The following SLC38A5 variants were observed in gnomAD, a reference collection of about 807,000 sequenced individuals.
SLC38A5 encodes solute carrier family 38 member 5, also known as sodium-coupled neutral amino acid transporter 5.
SLC38A5 carries 9 observed loss-of-function variants against 34.6 expected under a neutral mutation model. The observed-to-expected ratio is 0.26, with a 90% CI of 0.16 to 0.45. SLC38A5 has a LOEUF of 0.45. SLC38A5 is among the 20% of genes least tolerant of loss of function. The probability of loss-of-function intolerance (pLI) is 1.00; values close to 1 mark genes in which losing one functional copy is unlikely to be tolerated. For synonymous variants in SLC38A5, 157 were observed against 155.6 expected (o/e 1.01, Z -0.07); for missense variants, 253 against 394.7 (o/e 0.64, Z 3.04).
In SLC38A5 at chrX:48,458,810, C is replaced by T. The variant is rs1812439569; in HGVS notation, c.*123G>A. 1.1e-5 allele frequency: 12 copies of T among 1,092,575 alleles called. No homozygotes were observed. In the South Asian group the frequency reaches 1.2e-4, roughly 11 times the overall value. The allele number at this position is 1,092,575 out of a possible 1,213,427, so 90.0% of individuals were successfully genotyped here. The stretch of plus-strand genomic sequence containing the variant: ...CCAGTCTGCAGCCTCTGCTGTCCCC[C>T]GCCTCTGACAACCACGTTCATGGGA... On this transcript the variant is annotated 3_prime_UTR_variant, in exon 17 of 17. Coordinates refer to ENST00000620913, the MANE Select transcript of SLC38A5 (RefSeq NM_033518.4).
intron 6 of SLC38A5, 59 bp downstream of exon 6, chrX:48,466,740 C>T (rs2061479756): frequency 8.9e-7 from 1 of 1,117,910 alleles, no homozygotes; most frequent in Non-Finnish European, 1.2e-6. Context: ...GGATGTGGCT[C>T]CAGAGTCTGG....
In SLC38A5 at chrX:48,462,968, C is replaced by T; in HGVS notation, c.504G>A (p.Leu168=). 8.3e-7 allele frequency: 1 copy of T among 1,205,181 alleles called. No individual in the cohort carries two copies. Residue 168 remains leucine (L), a synonymous_variant, in exon 9 of 17, where the codon TTG becomes TTA. Transcript: ENST00000620913. ...CGATGATGATGAGGAGGTTTCCCTT[C>T]AAGAACCAGTCCCTAGAGAGACAGG... ...LYMDPEGDWF[L]KGNLLIIIVS...
intron 8 of SLC38A5, 104 bp downstream of exon 8, chrX:48,465,911 G>T: frequency 1.4e-6 from 1 of 718,238 alleles, no homozygotes; most frequent in Non-Finnish European, 2.0e-6. Context: ...TCTCAAACTA[G>T]AACATCTGGA....
intron 8 of SLC38A5, among the ~76,000 whole-genome samples, chrX:48,464,582 G>C (rs187676655): frequency 7.8e-4 from 88 of 112,126 alleles, no homozygotes; most frequent in African/African-American, 2.8e-3. Flanking sequence ...GATCACCTGA[G>C]GTCAGGAGTT....
At chrX:48,465,020 G>A (rs1275695196) in intron 8 of SLC38A5, among the ~76,000 whole-genome samples, 1 of 110,377 alleles carries the variant, frequency 9.1e-6, no homozygotes, top group African/African-American at 3.3e-5. Context: ...CATGGGACCA[G>A]AGGCAGAGTT....
At chrX:48,466,146 C>A in intron 7 of SLC38A5, 53 bp from the exon 8 acceptor site, 3 of 1,157,224 alleles carry the variant, frequency 2.6e-6, no homozygotes, top group Non-Finnish European at 3.5e-6. Context: ...TGCCCCCACC[C>A]CGTCTTCCCC....
At chrX:48,465,608 G>A (rs1485842419) in intron 8 of SLC38A5, among the ~76,000 whole-genome samples, 1 of 111,766 alleles carries the variant, frequency 8.9e-6, no homozygotes, top group African/African-American at 3.3e-5. Context: ...AGACACATAT[G>A]GTTGGAATCC....
At chrX:48,468,348 G>T (rs1380507676) in intron 2 of SLC38A5, 8 of 766,329 alleles carry the variant, frequency 1.0e-5, no homozygotes, top group Non-Finnish European at 1.2e-5. Flanking sequence ...CCGGTCCCCC[G>T]CGCCACCCCC....
At chrX:48,464,638 A>G (rs782666821) in intron 8 of SLC38A5, among the ~76,000 whole-genome samples, 1 of 112,720 alleles carries the variant, frequency 8.9e-6, no homozygotes, top group South Asian at 3.7e-4. Context: ...TCTACTAAAA[A>G]TACAAAAATT....
chrX:48,462,863 C>A, intron 9 of SLC38A5, 35 bp downstream of exon 9: 1 of 1,124,032 alleles, frequency 8.9e-7, no homozygotes, highest in Non-Finnish European at 1.2e-6. Flanking sequence ...CTGTCTAATC[C>A]CACTACCCAA....
At position 48,460,683 on chromosome X, in the gene SLC38A5, G is replaced by A. The variant is rs1556961620; in HGVS notation, c.1034C>T (p.Ala345Val). ...ILCVRLAVLL[A>V]VTLTVPVVLF... is the part of the protein sequence containing the mutation. ...CACGACTGGCACAGTGAGGGTCACC[G>A]CGAGCAGCACGGCCAGGCGCACACA... The change falls in exon 14 of 17, where the codon GCG (alanine) becomes GTG (valine). Residue 345 changes from alanine to valine, a missense_variant. This residue lies in a region of SLC38A5 where 176 missense variants were observed against 273.0 expected (regional missense o/e 0.64). Coordinates refer to ENST00000620913, the MANE Select transcript of SLC38A5 (RefSeq NM_033518.4). 4.1e-6 allele frequency: 5 copies of A among 1,210,439 alleles called. No individual in the cohort carries two copies. The highest frequency in any genetic ancestry group is 1.7e-5 in the African/African-American group (1 of 57,356).
At chrX:48,468,237 G>A (rs1401018860) in intron 2 of SLC38A5, 6 of 961,398 alleles carry the variant, frequency 6.2e-6, no homozygotes, top group African/African-American at 2.0e-5. Flanking sequence ...AGAGAGAGCC[G>A]GACCCCAGCG....
In SLC38A5 at chrX:48,468,728, C is replaced by A. The variant is rs781846820; in HGVS notation, c.-2+607G>T. 2.1e-4 allele frequency among the ~76,000 whole-genome samples: 23 copies of A among 111,932 alleles called. No individual in the cohort carries two copies. In the South Asian group the frequency reaches 8.2e-3, roughly 40 times the overall value. On this transcript the variant is annotated intron_variant, in intron 2 of 16. Coordinates refer to ENST00000620913, the MANE Select transcript of SLC38A5 (RefSeq NM_033518.4). ...CCCCTAGCAAGTCTTAAACACTCAT[C>A]TTCTGGCAGAAGTCAATTTGGAGAC...
intron 13 of SLC38A5, 77 bp downstream of exon 13, chrX:48,460,909 T>C (rs1448617924): frequency 3.5e-5 from 36 of 1,034,265 alleles, no homozygotes; most frequent in Non-Finnish European, 4.8e-5. Context: ...AGGTCCGTGG[T>C]CACAGAAGGA....
At chrX:48,460,953 C>G in intron 13 of SLC38A5, 33 bp downstream of exon 13, 2 of 1,105,877 alleles carry the variant, frequency 1.8e-6, no homozygotes, top group Non-Finnish European at 2.5e-6. Flanking sequence ...AGGCCTTCCC[C>G]CTCCCCCCAG....
Position 48,462,929 on chromosome X carries a change from G to A in SLC38A5, c.543C>T (p.Ile181=). 1 of 1,209,625 alleles carries A rather than the reference G, an allele frequency of 8.3e-7. No homozygotes were observed. The highest frequency in any genetic ancestry group is 2.3e-4 in the Middle Eastern group (1 of 4,353). Reference sequence around the variant, plus strand: ...GTTTCATGAGGGCGAGGGGCAGGATGATTAACACACTGACGATGATGATGA... The same window carrying A: ...GTTTCATGAGGGCGAGGGGCAGGATAATTAACACACTGACGATGATGATGA... ...NLLIIIVSVL[I]ILPLALMKHL... is the part of the protein sequence containing the mutation. The change falls in exon 9 of 17, where the codon ATC becomes ATT. Residue 181 remains isoleucine, a synonymous_variant. Transcript: ENST00000620913.
rs2061444244 is a variant in SLC38A5 at position 48,462,890 on chromosome X, C to T, written c.574+8G>A. Reference sequence around the variant, plus strand: ...ACTACCCAATGGCCAACCCAGGGAGCCTCTTACCCAAGTGTTTCATGAGGG... The same window carrying T: ...ACTACCCAATGGCCAACCCAGGGAGTCTCTTACCCAAGTGTTTCATGAGGG... On this transcript the variant is annotated splice_region_variant and intron_variant, in intron 9 of 16. Coordinates refer to ENST00000620913, the MANE Select transcript of SLC38A5 (RefSeq NM_033518.4). 1.7e-6 allele frequency: 2 copies of T among 1,197,482 alleles called. No homozygotes were observed. The highest frequency in any genetic ancestry group is 1.8e-5 in the African/African-American group (1 of 56,827).
Position 48,462,974 on chromosome X carries a change from C to A in SLC38A5, c.498G>T (p.Trp166Cys). The A allele has an allele frequency of 6.7e-6, 8 of 1,202,336 alleles. No individual in the cohort carries two copies. Among genetic ancestry groups the A allele is most frequent in the Non-Finnish European group, 9.0e-6 (8 of 889,332 alleles). Residue 166 changes from tryptophan (W) to cysteine (C), a missense_variant, in exon 9 of 17, where the codon TGG (tryptophan) becomes TGT (cysteine). Trp to Cys is a radical substitution (Grantham distance 215, BLOSUM62 -2). Transcript: ENST00000620913. ...TGATGAGGAGGTTTCCCTTCAAGAACCAGTCCCTAGAGAGACAGGAAGACA... is the reference window on the plus strand; with the variant it reads ...TGATGAGGAGGTTTCCCTTCAAGAAACAGTCCCTAGAGAGACAGGAAGACA... ...TFLYMDPEGD[W>C]FLKGNLLIII... is the part of the protein sequence containing the mutation.
chrX:48,460,866 C>T, intron 13 of SLC38A5, 102 bp from the exon 14 acceptor site: 1 of 1,007,411 alleles, frequency 9.9e-7, no homozygotes, highest in Non-Finnish European at 1.4e-6. Flanking sequence ...AAAATCCACA[C>T]AAGTGAGGCA....
Sources: allele counts gnomAD v4.1 joint callset (sites outside exome capture counted in the v4.1 genomes callset), GRCh38; gene constraint gnomAD v4.1.1; regional missense constraint gnomAD v4.1.1; transcripts MANE v1.5; gene names NCBI Gene and HGNC (gene_info 2026-07-23, HGNC 2026-07-21).